Variants in SBK1 observed in about 807,000 individuals in gnomAD.
The protein encoded by SBK1 is serine/threonine-protein kinase SBK1.
SBK1 carries 11 observed loss-of-function variants against 24.4 expected under a neutral mutation model. The ratio of observed to expected loss-of-function variants is 0.45; its 90% CI spans 0.28 to 0.75. The LOEUF (loss-of-function observed/expected upper bound fraction) is 0.75, where lower values mean the gene tolerates loss of function less well. SBK1 is among the 30% of genes least tolerant of loss of function. SBK1 has a pLI of 0.12. For synonymous variants in SBK1, 308 were observed against 284.4 expected (o/e 1.08, Z -0.83); for missense variants, 467 against 620.5 (o/e 0.75, Z 2.63).
intron 1 of SBK1, among the ~76,000 whole-genome samples, chr16:28,297,672 G>C (rs1020136580): frequency 6.6e-6 from 1 of 152,220 alleles, no homozygotes; most frequent in Admixed American, 6.5e-5. Flanking sequence ...GATTAAGCAG[G>C]CTAAAGAATG....
At chr16:28,291,363 G>A (rs1165159617), upstream of SBK1, 2 of 151,936 alleles carry the variant, frequency 1.3e-5, no homozygotes, top group Non-Finnish European at 2.9e-5. Flanking sequence ...GTTGTGGGGT[G>A]GGGGGAAGGG....
intron 1 of SBK1, among the ~76,000 whole-genome samples, chr16:28,272,594 A>AT (rs1214836655): frequency 1.1e-4 from 13 of 113,180 alleles, no homozygotes; most frequent in South Asian, 8.5e-4. Context: ...GTTGTCACAT[A>AT]TTTTTTTTCT....
rs1242175093 is a variant in SBK1 at position 28,322,934 on chromosome 16, C to G, written c.*2013C>G. 76 of 10,224 alleles carry G rather than the reference C, an allele frequency of 7.4e-3. 1 individual carries two copies. Among genetic ancestry groups the G allele is most frequent in the African/African-American group, 0.019 (68 of 3,562 alleles). The allele number at this position is 10,224 out of a possible 1,614,324, so 0.6% of individuals were successfully genotyped here. A position where few individuals can be genotyped will look rare whatever the true frequency, so the allele number is the denominator to read the frequency against. On this transcript the variant is annotated 3_prime_UTR_variant, in exon 4 of 4. Coordinates refer to ENST00000341901, the MANE Select transcript of SBK1 (RefSeq NM_001024401.3). The stretch of plus-strand genomic sequence containing the variant: ...TCTCGCGCGCGCTCTCTCTCTCCCT[C>G]TCTCTCTCTCTCTCTCTCTCTCTCT...
chr16:28,292,090 C>T (rs997338815), upstream of SBK1: 1 of 152,044 alleles, frequency 6.6e-6, no homozygotes, highest in Non-Finnish European at 1.5e-5. Flanking sequence ...TGTTTTCCCT[C>T]CTTCAAACAC....
At chr16:28,264,739 G>A (rs1455381591) in intron 1 of SBK1, among the ~76,000 whole-genome samples, 1 of 152,126 alleles carries the variant, frequency 6.6e-6, no homozygotes, top group East Asian at 1.9e-4. Flanking sequence ...AGATGGTGTT[G>A]CAAGCCATGA....
chr16:28,298,803 A>G (rs2044659302), intron 1 of SBK1, among the ~76,000 whole-genome samples: 1 of 152,164 alleles, frequency 6.6e-6, no homozygotes, highest in African/African-American at 2.4e-5. Context: ...GATGGCCCCA[A>G]GGGGCTGGGA....
In SBK1 at chr16:28,322,975, T is replaced by C. The variant is rs958425728; in HGVS notation, c.*2054T>C. 4 of 128,804 alleles carry C rather than the reference T, an allele frequency of 3.1e-5. 1 individual carries two copies. Among genetic ancestry groups the C allele is most frequent in the Non-Finnish European group, 4.9e-5 (3 of 60,642 alleles). 8.0% of individuals were successfully genotyped at this position (128,804 alleles called of 1,614,324 possible). On this transcript the variant is annotated 3_prime_UTR_variant, in exon 4 of 4. Coordinates refer to ENST00000341901, the MANE Select transcript of SBK1 (RefSeq NM_001024401.3). ...CTCTCTCTCTCTCTCTCTCTCTCTC[T>C]CTCTCCTCTCTTTCTCTCTCTCCCT...
rs2044851376 is a variant in SBK1 at position 28,321,833 on chromosome 16, C to G, written c.*912C>G. ...GGAGCCGAGAGCAGGTCCCAGCTCC[C>G]CCTGCCAGCCGCACTGTCCCAGGCC... On this transcript the variant is annotated 3_prime_UTR_variant, in exon 4 of 4. Coordinates refer to ENST00000341901, the MANE Select transcript of SBK1 (RefSeq NM_001024401.3). 6.6e-6 allele frequency: 1 copy of G among 152,428 alleles called. No individual in the cohort carries two copies. Among genetic ancestry groups the G allele is most frequent in the South Asian group, 2.1e-4 (1 of 4,832 alleles). 9.4% of individuals were successfully genotyped at this position (152,428 alleles called of 1,614,324 possible).
intron 1 of SBK1, among the ~76,000 whole-genome samples, chr16:28,264,110 C>A (rs2044413595): frequency 6.6e-6 from 1 of 152,034 alleles, no homozygotes; most frequent in Non-Finnish European, 1.5e-5. Flanking sequence ...GCCTAGGTGA[C>A]ACAGCAAGAC....
chr16:28,282,277 G>A (rs910042598), intron 1 of SBK1, among the ~76,000 whole-genome samples: 22 of 152,090 alleles, frequency 1.4e-4, no homozygotes, highest in Non-Finnish European at 2.5e-4. Flanking sequence ...GCAAGATCTC[G>A]GCTGCAGAAA....
At chr16:28,298,567 C>A (rs2044657118) in intron 1 of SBK1, among the ~76,000 whole-genome samples, 1 of 152,258 alleles carries the variant, frequency 6.6e-6, no homozygotes. Context: ...ATAGCTGCCA[C>A]TTCCTAAAGT....
At chr16:28,310,347 A>G (rs2044745833) in intron 1 of SBK1, among the ~76,000 whole-genome samples, 1 of 152,226 alleles carries the variant, frequency 6.6e-6, no homozygotes, top group Non-Finnish European at 1.5e-5. Context: ...AAGTGGAGGC[A>G]GGGACGACCA....
At chr16:28,281,423 G>A (rs1309864732) in intron 1 of SBK1, among the ~76,000 whole-genome samples, 1 of 152,100 alleles carries the variant, frequency 6.6e-6, no homozygotes, top group Non-Finnish European at 1.5e-5. Context: ...CCGAGTCCCG[G>A]GACACCAGGA....
chr16:28,313,194 C>T (rs1419911747), intron 1 of SBK1, among the ~76,000 whole-genome samples: 1 of 152,150 alleles, frequency 6.6e-6, no homozygotes, highest in Admixed American at 6.5e-5. Context: ...TCTCAGGAGG[C>T]TGAGGTGGGA....
At chr16:28,261,073 G>A (rs538743747) in intron 1 of SBK1, among the ~76,000 whole-genome samples, 2 of 152,118 alleles carry the variant, frequency 1.3e-5, no homozygotes, top group Non-Finnish European at 2.9e-5. Context: ...TGGACGCTGA[G>A]CCGGGGACCT....
In SBK1 at chr16:28,293,183, C is replaced by A; in HGVS notation, c.-125C>A. ...AGGACTTGGGCGACTGAGCCCCTGG[C>A]GGCACCGCTTGCACCCCGGTCCATG... On this transcript the variant is annotated 5_prime_UTR_variant, in exon 1 of 4. Transcript: ENST00000341901. 2.0e-6 allele frequency: 2 copies of A among 985,558 alleles called. No individual in the cohort carries two copies. Among genetic ancestry groups the A allele is most frequent in the Non-Finnish European group, 2.4e-6 (2 of 830,000 alleles). The allele number at this position is 985,558 out of a possible 1,614,324, so 61.1% of individuals were successfully genotyped here.
chr16:28,282,379 C>T (rs1405542469), intron 1 of SBK1, among the ~76,000 whole-genome samples: 1 of 152,118 alleles, frequency 6.6e-6, no homozygotes, highest in African/African-American at 2.4e-5. Flanking sequence ...GCCTGAGCAC[C>T]AGCTGGCTCT....
intron 1 of SBK1, among the ~76,000 whole-genome samples, chr16:28,314,752 A>G (rs962819463): frequency 6.6e-6 from 1 of 152,148 alleles, no homozygotes; most frequent in Non-Finnish European, 1.5e-5. Context: ...AGCCCAGGCG[A>G]TGGATCACCT....
intron 1 of SBK1, among the ~76,000 whole-genome samples, chr16:28,308,743 GT>G (rs2044733855): frequency 5.8e-4 from 65 of 112,216 alleles, no homozygotes; most frequent in Middle Eastern, 4.8e-3. Flanking sequence ...TCTTTGGGGT[GT>G]GTGTGTGTGT....
Sources: allele counts gnomAD v4.1 joint callset (sites outside exome capture counted in the v4.1 genomes callset), GRCh38; gene constraint gnomAD v4.1.1; transcripts MANE v1.5; gene names NCBI Gene and HGNC (gene_info 2026-07-23, HGNC 2026-07-21).